ITGB6: variants seen among roughly 807,000 people sequenced by gnomAD.
The protein encoded by ITGB6 is integrin subunit beta 6.
In ITGB6, 80 loss-of-function variants were observed where a neutral mutation model predicts 84.5. The observed-to-expected ratio is 0.95, with a 90% CI of 0.79 to 1.14. ITGB6 has a LOEUF of 1.14. Ranked by LOEUF, ITGB6 falls within the 50% of genes most tolerant of loss-of-function variation. The probability of loss-of-function intolerance (pLI) is 0.00; values close to 1 mark genes in which losing one functional copy is unlikely to be tolerated. For synonymous variants in ITGB6, 383 were observed against 354.9 expected (o/e 1.08, Z -0.89); for missense variants, 1,006 against 968.0 (o/e 1.04, Z -0.52).
intron 14 of ITGB6, among the ~76,000 whole-genome samples, chr2:160,102,881 C>G (rs1696775906): frequency 6.6e-6 from 1 of 152,196 alleles, no homozygotes; most frequent in South Asian, 2.1e-4. Flanking sequence ...CCTACCTCGT[C>G]CAGGTAAAGT....
intron 2 of ITGB6, among the ~76,000 whole-genome samples, chr2:160,198,630 T>C (rs893236319): frequency 6.6e-6 from 1 of 152,200 alleles, no homozygotes; most frequent in African/African-American, 2.4e-5. Context: ...GAGTTCCTAT[T>C]TGGCACTTTG....
At chr2:160,128,661 G>A (rs1683333105) in intron 10 of ITGB6, among the ~76,000 whole-genome samples, 1 of 152,132 alleles carries the variant, frequency 6.6e-6, no homozygotes, top group African/African-American at 2.4e-5. Context: ...GCGGAGGGTT[G>A]AGGGAAGAGA....
Position 160,107,727 on chromosome 2 carries a change from T to C in ITGB6, c.2220A>G (p.Lys740=). The C allele has an allele frequency of 6.2e-7, 1 of 1,614,106 alleles. No homozygotes were observed. The highest frequency in any genetic ancestry group is 8.5e-7 in the Non-Finnish European group (1 of 1,179,974). The part of the protein sequence containing the change: ...WKLLVSFHDR[K]EVAKFEAERS... ...GTTCTGCTTCAAATTTGGCAACTTC[T>C]TTACGATCATGAAATGACACCAGTA... Residue 740 remains lysine, a synonymous_variant, in exon 14 of 15, where the codon AAA becomes AAG. Coordinates refer to ENST00000283249, the MANE Select transcript of ITGB6 (RefSeq NM_000888.5).
At chr2:160,111,601 T>TTTA (rs1553476390) in intron 13 of ITGB6, among the ~76,000 whole-genome samples, 4 of 149,542 alleles carry the variant, frequency 2.7e-5, no homozygotes, top group African/African-American at 9.8e-5. Context: ...TCTTAGCTGT[T>TTTA]TTTTTTTTTT....
intron 10 of ITGB6, among the ~76,000 whole-genome samples, chr2:160,128,786 C>T (rs970349779): frequency 6.6e-6 from 1 of 152,120 alleles, no homozygotes; most frequent in African/African-American, 2.4e-5. Context: ...TCACCAATGC[C>T]TGGCACAGAG....
chr2:160,141,935 G>T, intron 8 of ITGB6, 47 bp downstream of exon 8: 4 of 1,198,272 alleles, frequency 3.3e-6, no homozygotes, highest in East Asian at 2.4e-5. Context: ...CTTAGTTTTT[G>T]AATACCAAAG....
intron 10 of ITGB6, among the ~76,000 whole-genome samples, chr2:160,135,125 G>A (rs370557708): frequency 2.0e-5 from 3 of 150,884 alleles, no homozygotes; most frequent in Non-Finnish European, 3.0e-5. Context: ...GTCCCTGTTT[G>A]CAGATGACAT....
chr2:160,200,187 C>A lies in ITGB6; in HGVS notation c.-124G>T. On this transcript the variant is annotated 5_prime_UTR_variant, in exon 1 of 15. Transcript: ENST00000283249. ...TATAACATTTTAAATACTACTTACACTGCTTTGAAAAGAAACTTGAGATAT... is the reference window on the plus strand; with the variant it reads ...TATAACATTTTAAATACTACTTACAATGCTTTGAAAAGAAACTTGAGATAT... 2 of 716,946 alleles carry A rather than the reference C, an allele frequency of 2.8e-6. No individual in the cohort carries two copies. The highest frequency in any genetic ancestry group is 1.9e-5 in the South Asian group (1 of 53,438). The allele number at this position is 716,946 out of a possible 1,614,324, so 44.4% of individuals were successfully genotyped here. A position where few individuals can be genotyped will look rare whatever the true frequency, so the allele number is the denominator to read the frequency against.
chr2:160,139,884 A>C (rs1683927846), intron 8 of ITGB6, among the ~76,000 whole-genome samples: 1 of 152,172 alleles, frequency 6.6e-6, no homozygotes, highest in African/African-American at 2.4e-5. Context: ...GAAGAAAGAA[A>C]ATTAGTGAAT....
At chr2:160,116,069 C>A (rs1462935450) in intron 12 of ITGB6, among the ~76,000 whole-genome samples, 4 of 147,286 alleles carry the variant, frequency 2.7e-5, no homozygotes, top group Non-Finnish European at 1.5e-5. Flanking sequence ...GAGAATGGAA[C>A]CAAGTTGGAA....
intron 7 of ITGB6, among the ~76,000 whole-genome samples, chr2:160,158,695 A>G (rs970836631): frequency 5.3e-5 from 8 of 152,334 alleles, no homozygotes; most frequent in Admixed American, 3.3e-4. Flanking sequence ...AGGGGACGAG[A>G]AAATAGCAAG....
intron 7 of ITGB6, 52 bp from the exon 8 acceptor site, chr2:160,142,123 A>G (rs748514432): frequency 8.2e-7 from 1 of 1,222,590 alleles, no homozygotes; most frequent in Non-Finnish European, 1.2e-6. Flanking sequence ...GGTAATTGAG[A>G]AAAGTGTGGG....
At chr2:160,191,500 C>T (rs1229940247) in intron 4 of ITGB6, among the ~76,000 whole-genome samples, 3 of 152,018 alleles carry the variant, frequency 2.0e-5, no homozygotes, top group East Asian at 3.9e-4. Context: ...ACTTACCAAG[C>T]AAGGAATAGA....
chr2:160,150,674 G>C (rs528838601), intron 7 of ITGB6, among the ~76,000 whole-genome samples: 69 of 152,170 alleles, frequency 4.5e-4, no homozygotes, highest in Non-Finnish European at 8.2e-4. Flanking sequence ...AATTGGATAA[G>C]GAGTCAAGAC....
chr2:160,171,623 C>T (rs538261281), intron 6 of ITGB6, among the ~76,000 whole-genome samples: 10 of 152,330 alleles, frequency 6.6e-5, no homozygotes, highest in Admixed American at 2.6e-4. Flanking sequence ...CGTGAGCCAA[C>T]GTGCCCGGCC....
chr2:160,160,344 C>G (rs1684770974), intron 7 of ITGB6, among the ~76,000 whole-genome samples: 1 of 152,198 alleles, frequency 6.6e-6, no homozygotes, highest in Non-Finnish European at 1.5e-5. Flanking sequence ...TTGTTGCTTA[C>G]TTGACATTCG....
At chr2:160,106,337 A>G (rs1696905606) in intron 14 of ITGB6, among the ~76,000 whole-genome samples, 1 of 152,160 alleles carries the variant, frequency 6.6e-6, no homozygotes, top group Non-Finnish European at 1.5e-5. Context: ...CTCCTGGCTC[A>G]AGTGATCCTC....
intron 14 of ITGB6, among the ~76,000 whole-genome samples, chr2:160,107,246 AG>A (rs1202176893): frequency 6.6e-6 from 1 of 152,190 alleles, no homozygotes; most frequent in Non-Finnish European, 1.5e-5. Flanking sequence ...GTATTTCCAA[AG>A]AAATTGGCAT....
chr2:160,115,339 A>G (rs1682719675), intron 12 of ITGB6, among the ~76,000 whole-genome samples: 1 of 152,238 alleles, frequency 6.6e-6, no homozygotes, highest in Non-Finnish European at 1.5e-5. Context: ...CGGTTCACCA[A>G]GATCCACTGT....
Sources: gnomAD v4.1 joint callset for allele counts (sites outside exome capture counted in the v4.1 genomes callset) on GRCh38, gnomAD v4.1.1 for gene constraint, MANE v1.5 for transcripts, NCBI Gene and HGNC (gene_info 2026-07-23, HGNC 2026-07-21) for gene names.